ASAP2: variants seen among roughly 807,000 people sequenced by gnomAD.
ASAP2 encodes the protein arf-GAP with SH3 domain, ANK repeat and PH domain-containing protein 2.
In ASAP2, 45 loss-of-function variants were observed where a neutral mutation model predicts 131.4. That is an observed-to-expected ratio of 0.34 (90% confidence interval 0.27 to 0.44). The LOEUF (loss-of-function observed/expected upper bound fraction) is 0.44. ASAP2 is among the 20% of genes least tolerant of loss of function. The pLI is 1.00. For synonymous variants in ASAP2, 510 were observed against 503.0 expected, an observed-to-expected ratio of 1.01 and a Z score of -0.19; for missense variants, 1,011 against 1,297.0, an observed-to-expected ratio of 0.78 and a Z score of 3.39.
At chr2:9,261,356 C>T (rs950012294) in intron 1 of ASAP2, among the ~76,000 whole-genome samples, 16 of 151,888 alleles carry the variant, frequency 1.1e-4, no homozygotes, top group African/African-American at 3.9e-4. Context: ...CAAAGCCAAA[C>T]ACATGATTTT....
At chr2:9,279,477 A>C in intron 2 of ASAP2, 88 bp downstream of exon 2, 1 of 1,255,734 alleles carries the variant, frequency 8.0e-7, no homozygotes, top group Non-Finnish European at 1.2e-6. Context: ...CCATTAACAA[A>C]TGAGCCAGCT....
chr2:9,365,811 C>T (rs1212027930), intron 15 of ASAP2, among the ~76,000 whole-genome samples: 1 of 152,218 alleles, frequency 6.6e-6, no homozygotes, highest in Non-Finnish European at 1.5e-5. Context: ...TGCCATAGAG[C>T]AGGAGGGTGC....
At chr2:9,291,184 T>C (rs909341145) in intron 2 of ASAP2, among the ~76,000 whole-genome samples, 93 of 152,210 alleles carry the variant, frequency 6.1e-4, no homozygotes, top group African/African-American at 2.2e-3. Context: ...ATTTTCACTC[T>C]TTATAAATGT....
chr2:9,358,587 G>A (rs1360762367), intron 14 of ASAP2, among the ~76,000 whole-genome samples, 169 bp from the exon 15 acceptor site: 1 of 152,142 alleles, frequency 6.6e-6, no homozygotes, highest in Non-Finnish European at 1.5e-5. Context: ...GCATATTTGG[G>A]TATTGCATGT....
intron 2 of ASAP2, among the ~76,000 whole-genome samples, chr2:9,284,159 C>T (rs1572350415): frequency 6.6e-6 from 1 of 152,212 alleles, no homozygotes; most frequent in Non-Finnish European, 1.5e-5. Context: ...AGTAGCATAA[C>T]GTACTCACAA....
chr2:9,307,871 G>T (rs949103222), intron 3 of ASAP2, among the ~76,000 whole-genome samples: 1 of 152,210 alleles, frequency 6.6e-6, no homozygotes, highest in African/African-American at 2.4e-5. Context: ...TGCTGCCAGG[G>T]ACGGGCTGGG....
intron 1 of ASAP2, among the ~76,000 whole-genome samples, chr2:9,246,318 A>C (rs1025835994): frequency 1.3e-5 from 2 of 152,200 alleles, no homozygotes; most frequent in South Asian, 4.1e-4. Flanking sequence ...TTTTACAGAC[A>C]GGGTCTTGCT....
chr2:9,330,994 G>C (rs984480785), intron 7 of ASAP2, among the ~76,000 whole-genome samples: 1 of 152,240 alleles, frequency 6.6e-6, no homozygotes, highest in Non-Finnish European at 1.5e-5. Flanking sequence ...AGGGTACAAC[G>C]TGGAGCTCGA....
In ASAP2 at chr2:9,311,679, G is replaced by A. The variant is rs535720442; in HGVS notation, c.346-6845G>A. Among the ~76,000 whole-genome samples, 183 of 152,202 alleles carry A rather than the reference G, an allele frequency of 1.2e-3. 1 individual carries two copies. Among genetic ancestry groups the A allele is most frequent in the Non-Finnish European group, 2.3e-3 (154 of 68,026 alleles). ...TCTGGCTGTGGTTTCCGTCCCTCTC[G>A]GCCAGAACTCGAGGATGGCTCGTTC... On this transcript the variant is annotated intron_variant, in intron 3 of 27. Coordinates refer to ENST00000281419, the MANE Select transcript of ASAP2 (RefSeq NM_003887.3). The surrounding 1 kb of genome is among the most constrained non-coding windows in gnomAD (Gnocchi z 5.2).
At chr2:9,230,205 G>A (rs1685964413) in intron 1 of ASAP2, among the ~76,000 whole-genome samples, 1 of 152,204 alleles carries the variant, frequency 6.6e-6, no homozygotes. Context: ...TGTGATAAAT[G>A]TGTCAGGATA....
At chr2:9,211,122 T>G (rs986941876) in intron 1 of ASAP2, among the ~76,000 whole-genome samples, 3 of 150,848 alleles carry the variant, frequency 2.0e-5, no homozygotes, top group Non-Finnish European at 4.4e-5. Flanking sequence ...GCCATTGCAC[T>G]CCAGCCTGGG....
chr2:9,301,267 A>C (rs1668455937), intron 3 of ASAP2, among the ~76,000 whole-genome samples: 1 of 152,238 alleles, frequency 6.6e-6, no homozygotes, highest in African/African-American at 2.4e-5. Context: ...TTTATAAAGC[A>C]GTTGGAAGAT....
At chr2:9,289,504 A>C (rs1667666658) in intron 2 of ASAP2, among the ~76,000 whole-genome samples, 1 of 152,212 alleles carries the variant, frequency 6.6e-6, no homozygotes, top group Admixed American at 6.5e-5. Context: ...ATGCGGATAC[A>C]TTCTGTACTC....
At chr2:9,388,617 GC>G in intron 22 of ASAP2, 71 bp downstream of exon 22, 1 of 1,548,300 alleles carries the variant, frequency 6.5e-7, no homozygotes. Flanking sequence ...GTTTGCAGCT[GC>G]CCTGCCTCCA....
intron 9 of ASAP2, among the ~76,000 whole-genome samples, chr2:9,341,258 G>T (rs1051377188): frequency 1.3e-5 from 2 of 152,182 alleles, no homozygotes; most frequent in African/African-American, 4.8e-5. Flanking sequence ...GCTAACAAAG[G>T]CTATTGTTAC....
chr2:9,250,223 G>A (rs571907958), intron 1 of ASAP2, among the ~76,000 whole-genome samples: 1 of 152,278 alleles, frequency 6.6e-6, no homozygotes, highest in South Asian at 2.1e-4. Context: ...TGTAACATTT[G>A]TTGGATAAAA....
chr2:9,271,029 G>A (rs376296754), intron 1 of ASAP2, among the ~76,000 whole-genome samples: 4 of 151,620 alleles, frequency 2.6e-5, no homozygotes, highest in African/African-American at 7.3e-5. Context: ...TCGTGACCTC[G>A]TGATCCACCT....
chr2:9,228,435 T>C (rs958237005), intron 1 of ASAP2, among the ~76,000 whole-genome samples: 1 of 152,214 alleles, frequency 6.6e-6, no homozygotes. Flanking sequence ...ACATTCCCTG[T>C]TTTTTCGCAT....
In ASAP2 at chr2:9,281,992, G is replaced by A. The variant is rs960870280; in HGVS notation, c.199+2603G>A. ...TTTTCCCCAGAGAGCCACGTTTTAT[G>A]CCTTCTTCCCTCTGCTCATGCTCTG... On this transcript the variant is annotated intron_variant, in intron 2 of 27. Coordinates refer to ENST00000281419, the MANE Select transcript of ASAP2 (RefSeq NM_003887.3). The surrounding 1 kb of genome is among the most constrained non-coding windows in gnomAD (Gnocchi z 4.0). Among the ~76,000 whole-genome samples, 1 of 152,170 alleles carries A rather than the reference G, an allele frequency of 6.6e-6. No individual in the cohort carries two copies. Among genetic ancestry groups the A allele is most frequent in the Admixed American group, 6.5e-5 (1 of 15,274 alleles).
Sources: allele counts gnomAD v4.1 joint callset (sites outside exome capture counted in the v4.1 genomes callset), GRCh38; gene constraint gnomAD v4.1.1; non-coding constraint Gnocchi (gnomAD v3.1); transcripts MANE v1.5; gene names NCBI Gene and HGNC (gene_info 2026-07-23, HGNC 2026-07-21).